BCO2: variants seen among roughly 807,000 people sequenced by gnomAD.
BCO2 encodes the protein carotenoid-cleaving dioxygenase, mitochondrial.
BCO2 carries 56 observed loss-of-function variants against 65.8 expected under a neutral mutation model. The observed-to-expected ratio is 0.85, with a 90% CI of 0.69 to 1.06. The LOEUF (loss-of-function observed/expected upper bound fraction) is 1.06. Among genes scored for constraint, BCO2 ranks in the 50% least tolerant of loss-of-function variants. BCO2 has a pLI of 0.00. For missense variants in BCO2, 675 were observed against 698.5 expected (o/e 0.97, Z 0.38); for synonymous variants, 233 against 242.3 (o/e 0.96, Z 0.36).
chr11:112,194,026 T>G, intron 4 of BCO2, 32 bp downstream of exon 4: 1 of 1,142,180 alleles, frequency 8.8e-7, no homozygotes, highest in Non-Finnish European at 1.3e-6. Context: ...ATGAATAAAA[T>G]AGATCCTAAC....
intron 1 of BCO2, 121 bp downstream of exon 1, chr11:112,175,810 C>T: frequency 2.6e-6 from 2 of 780,100 alleles, no homozygotes; most frequent in Non-Finnish European, 2.1e-6. Flanking sequence ...CTGTGTGGCT[C>T]AGATGAGATA....
Position 112,217,889 on chromosome 11 carries a change from G to C in BCO2, c.*15G>C, listed in dbSNP as rs368147257. ...TACCCATCTGATGGGACAACCACAAGGTCTGGAAACTAGGTTTAAAATAAG... is the reference window on the plus strand; with the variant it reads ...TACCCATCTGATGGGACAACCACAACGTCTGGAAACTAGGTTTAAAATAAG... On this transcript the variant is annotated 3_prime_UTR_variant, in exon 12 of 12. Transcript: ENST00000357685. 3.9e-6 allele frequency: 6 copies of C among 1,550,474 alleles called. No individual in the cohort carries two copies. Among genetic ancestry groups the C allele is most frequent in the Non-Finnish European group, 5.3e-6 (6 of 1,131,180 alleles).
intron 2 of BCO2, among the ~76,000 whole-genome samples, chr11:112,184,520 T>A (rs904199004): frequency 6.6e-6 from 1 of 152,102 alleles, no homozygotes; most frequent in Admixed American, 6.5e-5. Context: ...CCCAAAGTGC[T>A]GAGATTACAG....
chr11:112,182,878 A>T, intron 2 of BCO2: 5 of 1,212,198 alleles, frequency 4.1e-6, no homozygotes, highest in Non-Finnish European at 6.1e-6. Context: ...TCTAATGTGG[A>T]AGGAGCATCC....
chr11:112,180,063 ATC>A (rs1329906335), intron 2 of BCO2, among the ~76,000 whole-genome samples: 4 of 152,174 alleles, frequency 2.6e-5, no homozygotes, highest in Non-Finnish European at 5.9e-5. Flanking sequence ...AAACACCAGA[ATC>A]CAAGTATGCT....
rs752783996 is a variant in BCO2, at chr11:112,193,949, C to T, written c.588C>T (p.Asn196=). 15 of 1,611,416 alleles carry T rather than the reference C, an allele frequency of 9.3e-6. No individual in the cohort carries two copies. The South Asian group carries it at 1.4e-4, about 15-fold the overall frequency. ...ATTACTACCTCTGCACTGAGACCAA[C>T]TTTATGAATAAAGTGGACATTGAAA... The part of the protein sequence containing the change: ...KGDYYLCTET[N]FMNKVDIETL... The change falls in exon 4 of 12, where the codon AAC becomes AAT. Residue 196 remains asparagine (N), a synonymous_variant. Coordinates refer to ENST00000357685, the MANE Select transcript of BCO2 (RefSeq NM_031938.7).
At chr11:112,187,894 A>G (rs1867247733) in intron 2 of BCO2, among the ~76,000 whole-genome samples, 1 of 152,088 alleles carries the variant, frequency 6.6e-6, no homozygotes, top group Non-Finnish European at 1.5e-5. Context: ...CCACATCTGT[A>G]AAATGGGAAA....
intron 6 of BCO2, 35 bp from the exon 7 acceptor site, chr11:112,200,577 CA>C: frequency 6.4e-7 from 1 of 1,572,764 alleles, no homozygotes; most frequent in Non-Finnish European, 8.6e-7. Context: ...TCTAGTTTGC[CA>C]AATAACATTT....
At chr11:112,201,632 G>T (rs918632217) in intron 7 of BCO2, among the ~76,000 whole-genome samples, 2 of 149,840 alleles carry the variant, frequency 1.3e-5, no homozygotes, top group Admixed American at 6.6e-5. Context: ...ATTTAGTAAT[G>T]ACTGCACCTT....
chr11:112,179,812 T>C (rs1866983689), intron 2 of BCO2: 1 of 311,944 alleles, frequency 3.2e-6, no homozygotes, highest in South Asian at 3.3e-5. Context: ...ACTCTCTCCC[T>C]CACCCAGCAC....
At chr11:112,185,674 TTTATCCATGTTGCTACCA>T (rs1867178203) in intron 2 of BCO2, among the ~76,000 whole-genome samples, 1 of 152,204 alleles carries the variant, frequency 6.6e-6, no homozygotes, top group Non-Finnish European at 1.5e-5. Flanking sequence ...CATAAGCCTT[TTTATCCATGTTGCTACCA>T]AGTCTGAACG....
rs183171179 is a variant in BCO2, at chr11:112,186,273, C to T, written c.293+6791C>T. On this transcript the variant is annotated intron_variant, in intron 2 of 11. Transcript: ENST00000357685. ...AGAACCACTCAGGGCCCAGGCTTGC[C>T]CCACAGGCCTCTTTGAAGATAAGCA... 4.7e-3 allele frequency among the ~76,000 whole-genome samples: 722 copies of T among 152,326 alleles called. 5 individuals are homozygous for T. The highest frequency in any genetic ancestry group is 0.017 in the African/African-American group (697 of 41,566).
intron 8 of BCO2, among the ~76,000 whole-genome samples, chr11:112,207,882 C>T (rs1444882416): frequency 6.3e-5 from 9 of 143,682 alleles, no homozygotes; most frequent in Non-Finnish European, 1.3e-4. Context: ...TAGATTTATT[C>T]CTAGGTTTTT....
chr11:112,181,237 A>T (rs907600886), intron 2 of BCO2: 3 of 645,890 alleles, frequency 4.6e-6, no homozygotes, highest in Non-Finnish European at 8.0e-6. Flanking sequence ...GCTGGAGTGC[A>T]GTGGCGGGAT....
intron 8 of BCO2, among the ~76,000 whole-genome samples, chr11:112,211,889 TG>T (rs1437634994): frequency 4.6e-5 from 7 of 152,234 alleles, no homozygotes; most frequent in Non-Finnish European, 8.8e-5. Context: ...AATTTCTAGT[TG>T]TTTTCAATGG....
intron 2 of BCO2, among the ~76,000 whole-genome samples, chr11:112,189,505 A>G (rs914493089): frequency 2.7e-5 from 4 of 149,742 alleles, no homozygotes; most frequent in Admixed American, 2.0e-4. Context: ...TCCCGGGTTC[A>G]TGCCATTCTC....
In BCO2 at chr11:112,218,566, G is replaced by T; in HGVS notation, c.*692G>T. 4.3e-6 allele frequency: 1 copy of T among 234,780 alleles called. No homozygotes were observed. Among genetic ancestry groups the T allele is most frequent in the South Asian group, 6.4e-5 (1 of 15,742 alleles). 14.5% of individuals were successfully genotyped at this position (234,780 alleles called of 1,614,324 possible). The stretch of plus-strand genomic sequence containing the variant: ...CCAACTCACCCTAATTAAGGTTGAT[G>T]ACAACAAGAAACCAGAGGAATGGGT... On this transcript the variant is annotated 3_prime_UTR_variant, in exon 12 of 12. Coordinates refer to ENST00000357685, the MANE Select transcript of BCO2 (RefSeq NM_031938.7).
chr11:112,199,599 T>C, intron 5 of BCO2, 100 bp from the exon 6 acceptor site: 2 of 1,052,222 alleles, frequency 1.9e-6, no homozygotes, highest in Non-Finnish European at 2.8e-6. Flanking sequence ...ACATATTGCA[T>C]AAATCTCTTA....
In BCO2 at chr11:112,218,032, G is replaced by A. The variant is rs556992223; in HGVS notation, c.*158G>A. The A allele has an allele frequency of 1.8e-6, 1 of 567,396 alleles. No individual in the cohort carries two copies. Among genetic ancestry groups the A allele is most frequent in the Non-Finnish European group, 3.1e-6 (1 of 322,856 alleles). The allele number at this position is 567,396 out of a possible 1,614,324, so 35.1% of individuals were successfully genotyped here. ...ATTGAATACTATGTTCCCTATTTGG[G>A]TGATGGGTTCGTTAGAAGTCCAAAC... On this transcript the variant is annotated 3_prime_UTR_variant, in exon 12 of 12. Transcript: ENST00000357685.
Sources: gnomAD v4.1 joint callset for allele counts (sites outside exome capture counted in the v4.1 genomes callset) on GRCh38, gnomAD v4.1.1 for gene constraint, MANE v1.5 for transcripts, NCBI Gene and HGNC (gene_info 2026-07-23, HGNC 2026-07-21) for gene names.